BABAM2: variants seen among roughly 807,000 people sequenced by gnomAD.
BABAM2 encodes the protein BRISC and BRCA1-A complex member 2.
A neutral mutation model predicts 54.7 loss-of-function variants in BABAM2; 31 were observed. The ratio of observed to expected loss-of-function variants is 0.57; its 90% CI spans 0.43 to 0.77. The LOEUF (loss-of-function observed/expected upper bound fraction) is 0.77, where lower values mean the gene tolerates loss of function less well. Ranked by LOEUF, BABAM2 falls within the 30% of genes least tolerant of loss-of-function variation. The pLI is 0.00. For missense variants in BABAM2, 364 were observed against 455.8 expected (o/e 0.80, Z 1.83); for synonymous variants, 167 against 162.9 (o/e 1.03, Z -0.19).
At chr2:28,066,512 AT>A (rs1663593481) in intron 6 of BABAM2, among the ~76,000 whole-genome samples, 1 of 152,200 alleles carries the variant, frequency 6.6e-6, no homozygotes, top group South Asian at 2.1e-4. Context: ...ATAAACATTC[AT>A]TATCTCACAG....
At chr2:28,292,568 A>G (rs1687373027) in intron 10 of BABAM2, among the ~76,000 whole-genome samples, 1 of 152,204 alleles carries the variant, frequency 6.6e-6, no homozygotes, top group Admixed American at 6.5e-5. Flanking sequence ...AGAGCTGGGT[A>G]GTTCAGGGAT....
chr2:28,153,342 T>G (rs77320206), intron 7 of BABAM2, among the ~76,000 whole-genome samples: 13,079 of 152,270 alleles, frequency 0.086, 610 homozygotes, highest in East Asian at 0.15. Flanking sequence ...TAACAACCAC[T>G]TTTGCTATCT....
At chr2:28,295,529 C>G (rs1687611294) in intron 10 of BABAM2, among the ~76,000 whole-genome samples, 1 of 151,712 alleles carries the variant, frequency 6.6e-6, no homozygotes, top group Admixed American at 6.6e-5. Flanking sequence ...GAGTTTTTCT[C>G]TTGTTGCTCA....
intron 5 of BABAM2, among the ~76,000 whole-genome samples, chr2:28,040,291 A>ATTTTTTTTTT (rs1204898070): frequency 2.0e-4 from 19 of 97,268 alleles, no homozygotes; most frequent in Non-Finnish European, 3.2e-4. Flanking sequence ...GAAAAACTGA[A>ATTTTTTTTTT]TTCTTTTTTT....
intron 10 of BABAM2, among the ~76,000 whole-genome samples, chr2:28,251,866 A>G (rs1683519293): frequency 6.6e-6 from 1 of 152,184 alleles, no homozygotes; most frequent in South Asian, 2.1e-4. Flanking sequence ...AGACATAAAG[A>G]TTCTTAGTTT....
intron 6 of BABAM2, among the ~76,000 whole-genome samples, chr2:28,079,685 A>T (rs1033681814): frequency 6.6e-6 from 1 of 152,108 alleles, no homozygotes; most frequent in African/African-American, 2.4e-5. Context: ...GCCTAATTAC[A>T]TTGTATGGAT....
intron 4 of BABAM2, among the ~76,000 whole-genome samples, chr2:28,001,696 T>C (rs1028253160): frequency 6.6e-6 from 1 of 152,122 alleles, no homozygotes; most frequent in African/African-American, 2.4e-5. Context: ...CTTACAATCA[T>C]GGCAGAAGGC....
At chr2:28,305,145 T>A (rs1688416440) in intron 11 of BABAM2, among the ~76,000 whole-genome samples, 2 of 152,242 alleles carry the variant, frequency 1.3e-5, no homozygotes, top group Non-Finnish European at 2.9e-5. Context: ...TGTTTCTCTA[T>A]TAAGGCTAAT....
At chr2:28,171,499 G>C (rs1674318985) in intron 7 of BABAM2, among the ~76,000 whole-genome samples, 1 of 152,200 alleles carries the variant, frequency 6.6e-6, no homozygotes, top group South Asian at 2.1e-4. Flanking sequence ...CTTCTGGCTA[G>C]GGAGTGGAGG....
intron 4 of BABAM2, among the ~76,000 whole-genome samples, chr2:28,008,456 C>G (rs982982891): frequency 6.6e-6 from 1 of 152,086 alleles, no homozygotes; most frequent in Non-Finnish European, 1.5e-5. Flanking sequence ...ATGTATGAAA[C>G]AGTTGGAATT....
chr2:28,143,666 C>T (rs1054228067), intron 7 of BABAM2, among the ~76,000 whole-genome samples: 2 of 152,122 alleles, frequency 1.3e-5, no homozygotes, highest in African/African-American at 4.8e-5. Flanking sequence ...ACCATATTAA[C>T]TATTTCTATA....
chr2:28,122,045 C>T (rs558791272), intron 6 of BABAM2, among the ~76,000 whole-genome samples: 4 of 152,058 alleles, frequency 2.6e-5, no homozygotes, highest in Non-Finnish European at 5.9e-5. Flanking sequence ...AAACCCCGTC[C>T]CTACTAAATA....
At chr2:28,104,963 C>G (rs10186196) in intron 6 of BABAM2, among the ~76,000 whole-genome samples, 46,404 of 150,622 alleles carry the variant, frequency 0.31, 7,608 homozygotes, top group South Asian at 0.52. Flanking sequence ...ACTGCATGTT[C>G]TCACTCATAG....
intron 11 of BABAM2, among the ~76,000 whole-genome samples, chr2:28,315,439 T>TTCTTC (rs1689460742): frequency 1.7e-5 from 1 of 58,670 alleles, no homozygotes; most frequent in African/African-American, 4.8e-5. Flanking sequence ...TTCTTTTCTT[T>TTCTTC]TCTTTTCTTT....
chr2:28,011,687 T>C (rs1674410481), intron 4 of BABAM2, among the ~76,000 whole-genome samples: 1 of 152,204 alleles, frequency 6.6e-6, no homozygotes, highest in Non-Finnish European at 1.5e-5. Context: ...CCTGCAGATG[T>C]TTCTCCAGTT....
intron 2 of BABAM2, among the ~76,000 whole-genome samples, chr2:27,916,923 G>GA (rs753803248): frequency 2.6e-5 from 4 of 151,406 alleles, no homozygotes; most frequent in Non-Finnish European, 5.9e-5. Flanking sequence ...TGTGTTGTGT[G>GA]ACTTTCATAG....
chr2:27,987,907 C>G (rs1672517508), intron 3 of BABAM2, 86 bp from the exon 4 acceptor site: 5 of 1,108,566 alleles, frequency 4.5e-6, no homozygotes, highest in Non-Finnish European at 3.9e-6. Context: ...ATGTAAATTT[C>G]TTTTAGAAGT....
At chr2:28,311,491 G>A (rs374886345) in intron 11 of BABAM2, among the ~76,000 whole-genome samples, 1 of 152,218 alleles carries the variant, frequency 6.6e-6, no homozygotes, top group Non-Finnish European at 1.5e-5. Flanking sequence ...AGGAACATAT[G>A]CTATTAATGG....
Position 28,336,851 on chromosome 2 carries a change from G to A in BABAM2, c.1089-1599G>A, listed in dbSNP as rs140144711. ...CTTTGCCCTATGGCACAGGATCCCC[G>A]GTGAGTGCTCGTGCTTCCTGAGCAG... On this transcript the variant is annotated intron_variant, in intron 11 of 11. Transcript: ENST00000379624. Among the ~76,000 whole-genome samples the A allele has an allele frequency of 4.8e-3, 727 of 152,370 alleles. 4 individuals are homozygous for A. The highest frequency in any genetic ancestry group is 0.028 in the South Asian group (134 of 4,828).
Sources: gnomAD v4.1 joint callset for allele counts (sites outside exome capture counted in the v4.1 genomes callset) on GRCh38, gnomAD v4.1.1 for gene constraint, MANE v1.5 for transcripts, NCBI Gene and HGNC (gene_info 2026-07-23, HGNC 2026-07-21) for gene names.